Variants in IQGAP2 observed in about 807,000 individuals in gnomAD.
IQGAP2 encodes the protein ras GTPase-activating-like protein IQGAP2.
IQGAP2 carries 173 observed loss-of-function variants against 201.3 expected under a neutral mutation model. The observed-to-expected ratio is 0.86, with a 90% CI of 0.76 to 0.98. The LOEUF is 0.98. IQGAP2 is among the 50% of genes least tolerant of loss of function. The pLI is 0.00. For missense variants in IQGAP2, 1,687 were observed against 1,864.8 expected (o/e 0.90, Z 1.76); for synonymous variants, 675 against 673.9 (o/e 1.00, Z -0.03).
At chr5:76,685,740 C>G (rs1250763517) in intron 30 of IQGAP2, among the ~76,000 whole-genome samples, 1 of 152,176 alleles carries the variant, frequency 6.6e-6, no homozygotes, top group Non-Finnish European at 1.5e-5. Context: ...CTTCTTTAAT[C>G]ACCACACTAT....
At position 76,581,112 on chromosome 5, in the gene IQGAP2, G is replaced by A. The variant is rs137913130; in HGVS notation, c.458+5343G>A. On this transcript the variant is annotated intron_variant, in intron 5 of 35. Transcript: ENST00000274364. ...CAGACCCACTTCTGGTTCACCAGCC[G>A]TCCAGGTACTCTGGGAGCTTTGTGG... 6.8e-3 allele frequency among the ~76,000 whole-genome samples: 1,032 copies of A among 152,268 alleles called. 5 individuals carry two copies. Among genetic ancestry groups the A allele is most frequent in the African/African-American group, 0.013 (536 of 41,546 alleles).
At chr5:76,588,798 T>A (rs1465821440) in intron 5 of IQGAP2, 108 bp from the exon 6 acceptor site, 8 of 517,444 alleles carry the variant, frequency 1.5e-5, no homozygotes, top group Non-Finnish European at 3.3e-6. Flanking sequence ...ATAGACTAGA[T>A]ATCTCTTAGG....
chr5:76,605,514 T>C (rs965946408), intron 11 of IQGAP2, among the ~76,000 whole-genome samples: 1 of 152,178 alleles, frequency 6.6e-6, no homozygotes, highest in African/African-American at 2.4e-5. Context: ...TTTTGAGTAT[T>C]GGCTAGGAGC....
At position 76,452,624 on chromosome 5, in the gene IQGAP2, A is replaced by G. The variant is rs185211635; in HGVS notation, c.47-8946A>G. Among the ~76,000 whole-genome samples the G allele has an allele frequency of 8.5e-4, 130 of 152,308 alleles. 1 individual carries two copies. The highest frequency in any genetic ancestry group is 2.9e-3 in the African/African-American group (120 of 41,570). On this transcript the variant is annotated intron_variant, in intron 1 of 35. Transcript: ENST00000274364. Reference sequence around the variant, plus strand: ...GGGAAAAACAAATTCACACAAATCTATCTGCTGATTAACAAGATATCTATA... The same window carrying G: ...GGGAAAAACAAATTCACACAAATCTGTCTGCTGATTAACAAGATATCTATA...
intron 30 of IQGAP2, among the ~76,000 whole-genome samples, chr5:76,688,154 A>T (rs1471318637): frequency 6.6e-6 from 1 of 152,240 alleles, no homozygotes; most frequent in Non-Finnish European, 1.5e-5. Context: ...AACCAAATTT[A>T]ACTAAAATCG....
At chr5:76,657,289 C>T (rs748117414) in intron 20 of IQGAP2, among the ~76,000 whole-genome samples, 5 of 152,092 alleles carry the variant, frequency 3.3e-5, no homozygotes, top group African/African-American at 4.8e-5. Flanking sequence ...CATGGATGAG[C>T]GGTGGTGCAT....
intron 2 of IQGAP2, among the ~76,000 whole-genome samples, chr5:76,521,409 T>C (rs187853689): frequency 6.6e-6 from 1 of 152,316 alleles, no homozygotes; most frequent in African/African-American, 2.4e-5. Context: ...GTTTCTGTCT[T>C]TGGGGAAAAG....
intron 19 of IQGAP2, 102 bp from the exon 20 acceptor site, chr5:76,654,832 G>A (rs375483142): frequency 2.2e-5 from 16 of 714,640 alleles, no homozygotes; most frequent in South Asian, 1.9e-4. Context: ...GTTCTAAGTA[G>A]TGTCAGTTCT....
intron 7 of IQGAP2, 86 bp from the exon 8 acceptor site, chr5:76,590,322 G>C: frequency 1.9e-6 from 2 of 1,046,448 alleles, no homozygotes; most frequent in Non-Finnish European, 2.8e-6. Context: ...AAGTAAAACT[G>C]CTTGAGTTTA....
intron 2 of IQGAP2, among the ~76,000 whole-genome samples, chr5:76,475,498 C>T (rs1039423511): frequency 2.6e-5 from 4 of 152,302 alleles, no homozygotes; most frequent in African/African-American, 9.6e-5. Flanking sequence ...CTGCATCCCA[C>T]ATTCTCTTTC....
intron 5 of IQGAP2, among the ~76,000 whole-genome samples, chr5:76,578,748 A>G (rs956202173): frequency 6.6e-6 from 1 of 152,190 alleles, no homozygotes; most frequent in Non-Finnish European, 1.5e-5. Flanking sequence ...CTCAACACCA[A>G]GTAAAAACCA....
intron 30 of IQGAP2, 51 bp downstream of exon 30, chr5:76,683,968 A>T (rs763509656): frequency 5.3e-6 from 8 of 1,505,718 alleles, no homozygotes; most frequent in Non-Finnish European, 5.4e-6. Context: ...ATCTTAAATG[A>T]TGCAAATTCA....
At chr5:76,443,026 T>C in intron 1 of IQGAP2, among the ~76,000 whole-genome samples, 1 of 152,066 alleles carries the variant, frequency 6.6e-6, no homozygotes, top group East Asian at 1.9e-4. Context: ...GTTAATAATA[T>C]GATACCGGAA....
chr5:76,601,885 G>A (rs924540561), intron 11 of IQGAP2, among the ~76,000 whole-genome samples: 2 of 152,168 alleles, frequency 1.3e-5, no homozygotes, highest in Admixed American at 1.3e-4. Context: ...TCTTTTTGGA[G>A]AAACTAATTC....
At chr5:76,496,767 T>TTTCTA (rs1561416631) in intron 2 of IQGAP2, among the ~76,000 whole-genome samples, 1 of 120,984 alleles carries the variant, frequency 8.3e-6, no homozygotes, top group Non-Finnish European at 1.6e-5. Context: ...CTTTCTTTCT[T>TTTCTA]TCTTTCTTTC....
chr5:76,618,323 G>A, intron 13 of IQGAP2: 1 of 1,614,178 alleles, frequency 6.2e-7, no homozygotes, highest in Non-Finnish European at 8.5e-7. Flanking sequence ...AGAATACAGT[G>A]GTACAGATGG....
intron 1 of IQGAP2, among the ~76,000 whole-genome samples, chr5:76,455,547 G>C (rs887850091): frequency 6.6e-6 from 1 of 151,540 alleles, no homozygotes; most frequent in African/African-American, 2.4e-5. Flanking sequence ...ACTTTTGTAT[G>C]AAAGTGGGAT....
chr5:76,633,748 C>A (rs181245742), intron 15 of IQGAP2, among the ~76,000 whole-genome samples: 33 of 152,246 alleles, frequency 2.2e-4, no homozygotes, highest in African/African-American at 6.7e-4. Context: ...CTGTCTTTGG[C>A]CTATTTTGGA....
chr5:76,691,430 A>C (rs551847540), intron 30 of IQGAP2: 4 of 152,356 alleles, frequency 2.6e-5, no homozygotes, highest in Non-Finnish European at 5.9e-5. Flanking sequence ...GAAAGTTACT[A>C]TATTGACATT....
Sources: allele counts gnomAD v4.1 joint callset (sites outside exome capture counted in the v4.1 genomes callset), GRCh38; gene constraint gnomAD v4.1.1; transcripts MANE v1.5; gene names NCBI Gene and HGNC (gene_info 2026-07-23, HGNC 2026-07-21).